Variants in DLEC1 observed in about 807,000 individuals in gnomAD.
The protein encoded by DLEC1 is DLEC1 cilia and flagella associated protein.
In DLEC1, 146 loss-of-function variants were observed where a neutral mutation model predicts 198.1. That is an observed-to-expected ratio of 0.74 (90% CI 0.64 to 0.85). The LOEUF (loss-of-function observed/expected upper bound fraction) is 0.85, where lower values mean the gene tolerates loss of function less well. Among genes scored for constraint, DLEC1 ranks in the 40% least tolerant of loss-of-function variants. DLEC1 has a pLI of 0.00. For synonymous variants in DLEC1, 897 were observed against 866.8 expected (o/e 1.03, Z -0.61); for missense variants, 2,233 against 2,220.0 (o/e 1.01, Z -0.12).
At chr3:38,065,202 G>A (rs920576439) in intron 6 of DLEC1, among the ~76,000 whole-genome samples, 3 of 152,246 alleles carry the variant, frequency 2.0e-5, no homozygotes, top group African/African-American at 7.2e-5. Context: ...GTCATGCGTG[G>A]CGGCGCACGC....
chr3:38,073,025 C>T (rs1431462520), intron 6 of DLEC1, among the ~76,000 whole-genome samples: 2 of 152,156 alleles, frequency 1.3e-5, no homozygotes, highest in African/African-American at 4.8e-5. Context: ...GAGGGCTGTC[C>T]CTGAAACCTT....
chr3:38,067,960 G>T (rs922522363), intron 6 of DLEC1, among the ~76,000 whole-genome samples: 1 of 151,946 alleles, frequency 6.6e-6, no homozygotes, highest in African/African-American at 2.4e-5. Context: ...TGCCATGTTG[G>T]CCATGCTGGT....
At chr3:38,076,311 G>A (rs1697616412) in intron 6 of DLEC1, among the ~76,000 whole-genome samples, 1 of 152,174 alleles carries the variant, frequency 6.6e-6, no homozygotes, top group African/African-American at 2.4e-5. Flanking sequence ...CGTGTGAAGA[G>A]ACCACCAAAC....
intron 18 of DLEC1, 142 bp downstream of exon 18, chr3:38,098,044 G>A: frequency 9.7e-7 from 1 of 1,032,646 alleles, no homozygotes. Flanking sequence ...CGGCCTGGCG[G>A]TGCCTCCTGT....
At chr3:38,100,206 G>A (rs931206289) in intron 18 of DLEC1, 80 bp from the exon 19 acceptor site, 52 of 1,483,654 alleles carry the variant, frequency 3.5e-5, no homozygotes, top group Non-Finnish European at 4.4e-5. Flanking sequence ...AGTGACTTTG[G>A]TTAGGCATGG....
At chr3:38,100,026 CTA>C (rs1221953050) in intron 18 of DLEC1, among the ~76,000 whole-genome samples, 1 of 152,238 alleles carries the variant, frequency 6.6e-6, no homozygotes, top group African/African-American at 2.4e-5. Flanking sequence ...CCTCCGCCTT[CTA>C]TCTCTCAGAT....
At chr3:38,056,729 A>C (rs1696391897) in intron 2 of DLEC1, among the ~76,000 whole-genome samples, 1 of 151,808 alleles carries the variant, frequency 6.6e-6, no homozygotes, top group Non-Finnish European at 1.5e-5. Context: ...TTTCATCTTA[A>C]AAAAAAAGTG....
In DLEC1 at chr3:38,111,694, C is replaced by T. The variant is rs1487139824; in HGVS notation, c.3461C>T (p.Ala1154Val). Residue 1154 changes from alanine (A) to valine (V), a missense_variant, in exon 24 of 37, where the codon GCC (alanine) becomes GTC (valine). Physicochemically the swap from Ala to Val is moderately conservative, Grantham distance 64 (BLOSUM62 0). Coordinates refer to ENST00000308059, the MANE Select transcript of DLEC1 (RefSeq NM_007335.4). The stretch of plus-strand genomic sequence containing the variant: ...TTGTAAAGTCCCAACATGCCTCCTG[C>T]CCTGCTAAAGACAGTGCGGATGCAA... ...KKTSLPNMPP[A>V]LLKTVRMQEH... 6.2e-7 allele frequency: 1 copy of T among 1,613,352 alleles called. No individual in the cohort carries two copies. The highest frequency in any genetic ancestry group is 1.7e-5 in the Admixed American group (1 of 59,972).
chr3:38,061,381 A>C (rs1696677078), intron 3 of DLEC1, among the ~76,000 whole-genome samples: 1 of 151,920 alleles, frequency 6.6e-6, no homozygotes, highest in Admixed American at 6.6e-5. Flanking sequence ...GGGTTTCACC[A>C]TGTTGGCCAG....
intron 6 of DLEC1, among the ~76,000 whole-genome samples, chr3:38,073,255 G>T (rs960151899): frequency 6.6e-6 from 1 of 152,236 alleles, no homozygotes; most frequent in Non-Finnish European, 1.5e-5. Flanking sequence ...GGTTGATAAG[G>T]TGCAGATCCT....
chr3:38,051,365 C>T (rs1387016093), intron 2 of DLEC1, among the ~76,000 whole-genome samples: 1 of 152,238 alleles, frequency 6.6e-6, no homozygotes, highest in African/African-American at 2.4e-5. Context: ...CCCAACCCCA[C>T]CTGTCCCTGC....
intron 6 of DLEC1, among the ~76,000 whole-genome samples, chr3:38,077,632 C>A (rs1308575556): frequency 2.6e-5 from 4 of 152,046 alleles, no homozygotes; most frequent in Admixed American, 6.6e-5. Context: ...GGTGGGAAGG[C>A]TAAACTGAGG....
At position 38,110,174 on chromosome 3, in the gene DLEC1, G is replaced by A. The variant is rs775242324; in HGVS notation, c.3336G>A (p.Val1112=). 5.0e-6 allele frequency: 8 copies of A among 1,614,216 alleles called. No homozygotes were observed. In the East Asian group the frequency reaches 1.6e-4, roughly 31 times the overall value. The change falls in exon 23 of 37, where the codon GTG becomes GTA. Residue 1112 remains valine, a synonymous_variant. Transcript: ENST00000308059. ...FGSAVPLRTR[V]TRQLILTNRS... ...CAGCGGTGCCACTGAGGACCCGTGT[G>A]ACTCGCCAGCTCATTCTCACCAATC... is the stretch of plus-strand genomic sequence containing the variant.
intron 1 of DLEC1, among the ~76,000 whole-genome samples, chr3:38,042,937 A>C (rs1320677303): frequency 6.6e-6 from 1 of 152,046 alleles, no homozygotes; most frequent in Non-Finnish European, 1.5e-5. Context: ...TCGTCTCTAG[A>C]TGTCACTGCC....
At chr3:38,074,032 AGTGG>A (rs1053184412) in intron 6 of DLEC1, among the ~76,000 whole-genome samples, 8 of 152,336 alleles carry the variant, frequency 5.3e-5, no homozygotes, top group Admixed American at 5.2e-4. Flanking sequence ...TCTGCCTTCC[AGTGG>A]GTCCTTACAC....
chr3:38,110,425 G>T (rs1273044767), intron 23 of DLEC1, 144 bp downstream of exon 23: 9 of 1,063,824 alleles, frequency 8.5e-6, no homozygotes, highest in Non-Finnish European at 9.5e-6. Flanking sequence ...ATGGGGACAG[G>T]CAGAGAGGAA....
intron 33 of DLEC1, 32 bp downstream of exon 33, chr3:38,118,056 A>G: frequency 1.3e-6 from 2 of 1,559,848 alleles, no homozygotes; most frequent in Non-Finnish European, 1.7e-6. Flanking sequence ...CCTTGCCTCG[A>G]TGGCACACCC....
At chr3:38,118,215 G>A (rs1456937337) in intron 33 of DLEC1, among the ~76,000 whole-genome samples, 191 bp downstream of exon 33, 1 of 152,090 alleles carries the variant, frequency 6.6e-6, no homozygotes, top group Non-Finnish European at 1.5e-5. Flanking sequence ...CTGCACAAGT[G>A]GCTCACATGG....
chr3:38,122,641 G>C lies in DLEC1; in HGVS notation c.*229G>C. The C allele has an allele frequency of 6.7e-7, 1 of 1,500,594 alleles. No individual in the cohort carries two copies. Among genetic ancestry groups the C allele is most frequent in the Non-Finnish European group, 8.9e-7 (1 of 1,129,644 alleles). 93.0% of individuals were successfully genotyped at this position (1,500,594 alleles called of 1,614,324 possible). A position where few individuals can be genotyped will look rare whatever the true frequency, so the allele number is the denominator to read the frequency against. On this transcript the variant is annotated 3_prime_UTR_variant, in exon 37 of 37. Coordinates refer to ENST00000308059, the MANE Select transcript of DLEC1 (RefSeq NM_007335.4). ...ACACCACAGCAGAGACCACCACATTGAGATCACTACTCAGTGCATAGCGAA... is the reference window on the plus strand; with the variant it reads ...ACACCACAGCAGAGACCACCACATTCAGATCACTACTCAGTGCATAGCGAA...
Sources: gnomAD v4.1 joint callset for allele counts (sites outside exome capture counted in the v4.1 genomes callset) on GRCh38, gnomAD v4.1.1 for gene constraint, MANE v1.5 for transcripts, NCBI Gene and HGNC (gene_info 2026-07-23, HGNC 2026-07-21) for gene names.